The following SYT9 variants were observed in gnomAD, a reference collection of about 807,000 sequenced individuals.
SYT9 encodes synaptotagmin 9, also known as synaptotagmin-9.
A neutral mutation model predicts 48.4 loss-of-function variants in SYT9; 22 were observed. The ratio of observed to expected loss-of-function variants is 0.45; its 90% CI spans 0.32 to 0.65. The LOEUF (loss-of-function observed/expected upper bound fraction) is 0.65, where lower values mean the gene tolerates loss of function less well. Ranked by LOEUF, SYT9 falls within the 30% of genes least tolerant of loss-of-function variation. The probability of loss-of-function intolerance (pLI) is 0.03; values close to 1 mark genes in which losing one functional copy is unlikely to be tolerated. For missense variants in SYT9, 577 were observed against 622.0 expected, an observed-to-expected ratio of 0.93 and a Z score of 0.77; for synonymous variants, 265 against 245.0, an observed-to-expected ratio of 1.08 and a Z score of -0.76.
At chr11:7,348,861 A>G (rs1404925062) in intron 3 of SYT9, among the ~76,000 whole-genome samples, 1 of 151,558 alleles carries the variant, frequency 6.6e-6, no homozygotes, top group African/African-American at 2.4e-5. Context: ...GTATTTCTCC[A>G]TTCTAGCAGT....
At chr11:7,259,220 C>T (rs118000525) in intron 1 of SYT9, among the ~76,000 whole-genome samples, 203 of 152,172 alleles carry the variant, frequency 1.3e-3, no homozygotes, top group Admixed American at 2.7e-3. Flanking sequence ...AGTAATTACA[C>T]GTAGTAAATG....
rs568475511 is a variant in SYT9 at position 7,406,356 on chromosome 11, T to C, written c.1045-9686T>C. Among the ~76,000 whole-genome samples, 6 of 152,134 alleles carry C rather than the reference T, an allele frequency of 3.9e-5. No individual in the cohort carries two copies. In the East Asian group the frequency reaches 1.2e-3, roughly 29 times the overall value. On this transcript the variant is annotated intron_variant, in intron 3 of 6. Transcript: ENST00000318881. ...ACCCTTCCTACCCTCTGGTATCTAC[T>C]ATTCTAGTCTCTATCTCCATGAGAT...
At chr11:7,282,715 C>T (rs1186106898) in intron 1 of SYT9, among the ~76,000 whole-genome samples, 1 of 152,136 alleles carries the variant, frequency 6.6e-6, no homozygotes, top group African/African-American at 2.4e-5. Context: ...TTCTTAGGTG[C>T]TGTCCTGTGC....
chr11:7,404,729 G>A (rs1031595006), intron 3 of SYT9, among the ~76,000 whole-genome samples: 1 of 152,094 alleles, frequency 6.6e-6, no homozygotes, highest in Non-Finnish European at 1.5e-5. Flanking sequence ...GTGGACAAGG[G>A]CATGAATGCT....
intron 6 of SYT9, among the ~76,000 whole-genome samples, chr11:7,453,094 T>C (rs1186663163): frequency 6.6e-6 from 1 of 150,812 alleles, no homozygotes; most frequent in Non-Finnish European, 1.5e-5. Flanking sequence ...GAAACTCCTT[T>C]AAAGAATAAA....
At chr11:7,351,017 G>A (rs78477403) in intron 3 of SYT9, among the ~76,000 whole-genome samples, 3,774 of 152,188 alleles carry the variant, frequency 0.025, 116 homozygotes, top group African/African-American at 0.067. Context: ...TTTAAATGAT[G>A]TCATGATTTT....
intron 1 of SYT9, among the ~76,000 whole-genome samples, chr11:7,266,229 T>A (rs12576021): frequency 6.6e-6 from 1 of 151,920 alleles, no homozygotes; most frequent in Admixed American, 6.6e-5. Flanking sequence ...TGACTGCTAC[T>A]TTAGATTTAA....
chr11:7,259,683 T>C (rs572361848), intron 1 of SYT9, among the ~76,000 whole-genome samples: 1 of 152,306 alleles, frequency 6.6e-6, no homozygotes, highest in South Asian at 2.1e-4. Context: ...TTAAGTGAAT[T>C]TTTTGTGTTC....
At chr11:7,269,936 G>C (rs1848263754) in intron 1 of SYT9, among the ~76,000 whole-genome samples, 1 of 152,116 alleles carries the variant, frequency 6.6e-6, no homozygotes, top group Non-Finnish European at 1.5e-5. Context: ...AAAAGACAAG[G>C]TTGACAGATT....
intron 6 of SYT9, among the ~76,000 whole-genome samples, chr11:7,432,821 A>T (rs1007804735): frequency 6.6e-6 from 1 of 151,680 alleles, no homozygotes. Flanking sequence ...ACCTTGTCTC[A>T]GATGAGACTT....
chr11:7,241,232 ACACACG>A (rs1316355364), intron 1 of SYT9, among the ~76,000 whole-genome samples: 1 of 147,706 alleles, frequency 6.8e-6, no homozygotes, highest in African/African-American at 2.6e-5. Context: ...ACACACACAC[ACACACG>A]CACACACTCA....
chr11:7,338,681 T>C (rs553443501), intron 3 of SYT9, among the ~76,000 whole-genome samples: 2 of 152,286 alleles, frequency 1.3e-5, no homozygotes, highest in South Asian at 4.1e-4. Flanking sequence ...TGTCTCGATT[T>C]CTATTTTTAT....
intron 6 of SYT9, chr11:7,438,955 C>T (rs924673222): frequency 6.6e-6 from 1 of 152,254 alleles, no homozygotes; most frequent in Non-Finnish European, 1.5e-5. Flanking sequence ...GCAAATCCAG[C>T]TGTGGGCAGT....
intron 3 of SYT9, among the ~76,000 whole-genome samples, chr11:7,320,766 G>C (rs962300546): frequency 6.6e-6 from 1 of 152,142 alleles, no homozygotes; most frequent in Non-Finnish European, 1.5e-5. Context: ...AGAACAAAAC[G>C]GCAATTATTG....
chr11:7,423,959 A>C (rs1419776779), intron 6 of SYT9, among the ~76,000 whole-genome samples: 1 of 152,188 alleles, frequency 6.6e-6, no homozygotes, highest in African/African-American at 2.4e-5. Flanking sequence ...AGAGTATGTG[A>C]GTGTGCACTC....
intron 1 of SYT9, among the ~76,000 whole-genome samples, chr11:7,264,376 T>G (rs1173711093): frequency 1.3e-5 from 2 of 152,158 alleles, no homozygotes; most frequent in African/African-American, 4.8e-5. Flanking sequence ...TCAGCTCTTT[T>G]TTTTGCAGGC....
chr11:7,303,380 T>G lies in SYT9; in HGVS notation c.487T>G (p.Ser163Ala). 1.2e-6 allele frequency: 2 copies of G among 1,607,108 alleles called. No homozygotes were observed. Among genetic ancestry groups the G allele is most frequent in the Non-Finnish European group, 1.7e-6 (2 of 1,177,652 alleles). Residue 163 changes from serine to alanine, a missense_variant, in exon 2 of 7, where the codon TCG becomes GCG. Physicochemically the swap from Ser to Ala is moderately conservative, Grantham distance 99. Coordinates refer to ENST00000318881, the MANE Select transcript of SYT9 (RefSeq NM_175733.4). ...RVQRQVTEPTSSARHNSIRRQ... is the reference protein window; with the variant it reads ...RVQRQVTEPTASARHNSIRRQ... ...GCAGCGCCAAGTCACAGAGCCAACCTCGTCGGCCCGGTCAGTAATGCCTTC... is the reference window on the plus strand; with the variant it reads ...GCAGCGCCAAGTCACAGAGCCAACCGCGTCGGCCCGGTCAGTAATGCCTTC...
At chr11:7,263,308 C>T (rs538539980) in intron 1 of SYT9, among the ~76,000 whole-genome samples, 191 of 152,276 alleles carry the variant, frequency 1.3e-3, no homozygotes, top group Middle Eastern at 3.4e-3. Context: ...AGCACCTTCT[C>T]TCTGTGTCCT....
chr11:7,337,573 AGAG>A (rs774993948), intron 3 of SYT9, among the ~76,000 whole-genome samples: 16 of 152,178 alleles, frequency 1.1e-4, no homozygotes, highest in Non-Finnish European at 2.1e-4. Flanking sequence ...TTTAACATAA[AGAG>A]GTATTGAATT....
Sources: allele counts gnomAD v4.1 joint callset (sites outside exome capture counted in the v4.1 genomes callset), GRCh38; gene constraint gnomAD v4.1.1; transcripts MANE v1.5; gene names NCBI Gene and HGNC (gene_info 2026-07-23, HGNC 2026-07-21).